The following GALNT2 variants were observed in gnomAD, a reference collection of about 807,000 sequenced individuals.
GALNT2 encodes polypeptide N-acetylgalactosaminyltransferase 2.
A neutral mutation model predicts 81.4 loss-of-function variants in GALNT2; 31 were observed. That is an observed-to-expected ratio of 0.38 (90% CI 0.29 to 0.51). The LOEUF is 0.51. Among genes scored for constraint, GALNT2 ranks in the 20% least tolerant of loss-of-function variants. GALNT2 has a pLI of 0.87. For synonymous variants in GALNT2, 303 were observed against 287.4 expected (o/e 1.05, Z -0.55); for missense variants, 629 against 765.7 (o/e 0.82, Z 2.11).
At chr1:230,191,932 G>A (rs10779838) in intron 2 of GALNT2, among the ~76,000 whole-genome samples, 22,302 of 152,244 alleles carry the variant, frequency 0.15, 2,817 homozygotes, top group East Asian at 0.45. Flanking sequence ...AGCTGTGGCT[G>A]GACATTAGGG....
At chr1:230,137,883 T>TA (rs1250872681) in intron 1 of GALNT2, among the ~76,000 whole-genome samples, 2 of 152,246 alleles carry the variant, frequency 1.3e-5, no homozygotes, top group East Asian at 1.9e-4. Context: ...TTGTTGGAAA[T>TA]AGAGATTTCC....
intron 1 of GALNT2, among the ~76,000 whole-genome samples, chr1:230,104,601 CCTTT>C (rs1220315692): frequency 6.6e-6 from 1 of 152,212 alleles, no homozygotes; most frequent in Admixed American, 6.5e-5. Context: ...CCCTGGCTCT[CCTTT>C]CTTAATAGGC....
At chr1:230,109,544 T>C (rs1405320516) in intron 1 of GALNT2, among the ~76,000 whole-genome samples, 1 of 152,150 alleles carries the variant, frequency 6.6e-6, no homozygotes, top group Non-Finnish European at 1.5e-5. Flanking sequence ...AGGAACACTG[T>C]TGGCTGGGCG....
chr1:230,163,416 C>G (rs558806321), intron 1 of GALNT2, among the ~76,000 whole-genome samples: 85 of 152,250 alleles, frequency 5.6e-4, no homozygotes, highest in Admixed American at 1.7e-3. Context: ...CTCCGGCGAT[C>G]TCTCATGCTT....
intron 1 of GALNT2, among the ~76,000 whole-genome samples, chr1:230,086,813 G>A (rs1659912639): frequency 6.6e-6 from 1 of 152,224 alleles, no homozygotes; most frequent in Non-Finnish European, 1.5e-5. Flanking sequence ...GGACCACTAA[G>A]AGTGCTCTAG....
chr1:230,200,861 A>C (rs558229496), intron 2 of GALNT2, among the ~76,000 whole-genome samples: 41 of 152,270 alleles, frequency 2.7e-4, no homozygotes, highest in African/African-American at 9.6e-4. Context: ...CCATAGTTCA[A>C]AGTTCCGTGG....
chr1:230,194,800 G>A (rs1402321114), intron 2 of GALNT2, among the ~76,000 whole-genome samples: 1 of 152,252 alleles, frequency 6.6e-6, no homozygotes, highest in East Asian at 1.9e-4. Context: ...GCACTGCTTA[G>A]CAGCTTCCGG....
Position 230,257,458 on chromosome 1 carries a change from G to C in GALNT2, c.1136+2114G>C, listed in dbSNP as rs1223990400. Among the ~76,000 whole-genome samples, 1 of 152,172 alleles carries C rather than the reference G, an allele frequency of 6.6e-6. No individual in the cohort carries two copies. Among genetic ancestry groups the C allele is most frequent in the Non-Finnish European group, 1.5e-5 (1 of 68,030 alleles). The stretch of plus-strand genomic sequence containing the variant: ...GTTTACTCTACCTTTTCTTTGTTTA[G>C]ATACACAAATACTTACCATTGTGTT... On this transcript the variant is annotated intron_variant, in intron 11 of 15. Coordinates refer to ENST00000366672, the MANE Select transcript of GALNT2 (RefSeq NM_004481.5). This position sits in a 1 kb window ranked among gnomAD's most constrained non-coding sequence, Gnocchi z 4.6.
In GALNT2 at chr1:230,088,077, C is replaced by T. The variant is rs140831126; in HGVS notation, c.126+20671C>T. 2.7e-3 allele frequency among the ~76,000 whole-genome samples: 404 copies of T among 152,200 alleles called. 5 individuals are homozygous for T. The highest frequency in any genetic ancestry group is 9.1e-3 in the African/African-American group (377 of 41,522). On this transcript the variant is annotated intron_variant, in intron 1 of 15. Coordinates refer to ENST00000366672, the MANE Select transcript of GALNT2 (RefSeq NM_004481.5). ...ATTTTTCCATATTTGCATCTCCCCCCGCCCCCAATGTTTTTGCTTTATTTA... is the reference window on the plus strand; with the variant it reads ...ATTTTTCCATATTTGCATCTCCCCCTGCCCCCAATGTTTTTGCTTTATTTA...
chr1:230,270,574 G>A (rs117665910), intron 14 of GALNT2, among the ~76,000 whole-genome samples: 37 of 152,324 alleles, frequency 2.4e-4, no homozygotes, highest in East Asian at 2.1e-3. Flanking sequence ...TAGACAGTAC[G>A]GCTCAGATAT....
chr1:230,245,189 C>T (rs1254918681), intron 7 of GALNT2, among the ~76,000 whole-genome samples: 1 of 151,646 alleles, frequency 6.6e-6, no homozygotes, highest in African/African-American at 2.4e-5. Context: ...AGGGGCTGGA[C>T]GCAGTGGCTC....
chr1:230,267,387 G>T lies in GALNT2; in HGVS notation c.1440+2020G>T, dbSNP rs78993632. Reference sequence around the variant, plus strand: ...TGCTCACCTCTGTGCTGTCCAGGTGGCTGCGCCTCCTGTTATTCCGGCTGC... The same window carrying T: ...TGCTCACCTCTGTGCTGTCCAGGTGTCTGCGCCTCCTGTTATTCCGGCTGC... On this transcript the variant is annotated intron_variant, in intron 14 of 15. Coordinates refer to ENST00000366672, the MANE Select transcript of GALNT2 (RefSeq NM_004481.5). 2.2e-3 allele frequency among the ~76,000 whole-genome samples: 333 copies of T among 152,326 alleles called. 2 individuals carry two copies. The highest frequency in any genetic ancestry group is 3.6e-3 in the Non-Finnish European group (245 of 68,038).
intron 9 of GALNT2, among the ~76,000 whole-genome samples, chr1:230,249,858 G>C (rs1489818266): frequency 6.6e-6 from 1 of 152,244 alleles, no homozygotes; most frequent in Non-Finnish European, 1.5e-5. Context: ...AACATCTGCA[G>C]TGTGCCATAG....
chr1:230,244,479 AC>A (rs1665303539), intron 7 of GALNT2, among the ~76,000 whole-genome samples: 1 of 75,034 alleles, frequency 1.3e-5, no homozygotes, highest in Admixed American at 1.4e-4. Context: ...ATCCCCACCC[AC>A]CCCAACCCCA....
At chr1:230,094,843 C>T (rs1018728696) in intron 1 of GALNT2, among the ~76,000 whole-genome samples, 5 of 152,236 alleles carry the variant, frequency 3.3e-5, no homozygotes, top group East Asian at 1.9e-4. Flanking sequence ...CCTTCCCACA[C>T]GTCTGCAAAG....
At chr1:230,183,120 G>A (rs942233163) in intron 2 of GALNT2, among the ~76,000 whole-genome samples, 6 of 151,926 alleles carry the variant, frequency 3.9e-5, no homozygotes, top group African/African-American at 7.3e-5. Flanking sequence ...ACTTTTCTTG[G>A]TAAAGGCCAT....
Position 230,128,067 on chromosome 1 carries a change from C to A in GALNT2, c.127-50151C>A, listed in dbSNP as rs546698444. ...TCTTTCCTTCTCTAGAGTTTCTCAT[C>A]ACCAGCTGGGTGGCTGCAGGAAGGG... On this transcript the variant is annotated intron_variant, in intron 1 of 15. Coordinates refer to ENST00000366672, the MANE Select transcript of GALNT2 (RefSeq NM_004481.5). Among the ~76,000 whole-genome samples the A allele has an allele frequency of 3.3e-5, 5 of 152,300 alleles. No individual in the cohort carries two copies. The South Asian group carries it at 1.0e-3, about 32-fold the overall frequency.
At chr1:230,212,512 G>A (rs1664263910) in intron 3 of GALNT2, among the ~76,000 whole-genome samples, 1 of 152,188 alleles carries the variant, frequency 6.6e-6, no homozygotes, top group African/African-American at 2.4e-5. Flanking sequence ...TGCCGTTCAG[G>A]AAGTGAGACT....
chr1:230,231,233 T>C (rs897314805), intron 3 of GALNT2, among the ~76,000 whole-genome samples: 1 of 152,242 alleles, frequency 6.6e-6, no homozygotes, highest in African/African-American at 2.4e-5. Flanking sequence ...TAAAGTGACC[T>C]TGACAGTTTT....
Sources: gnomAD v4.1 joint callset for allele counts (sites outside exome capture counted in the v4.1 genomes callset) on GRCh38, gnomAD v4.1.1 for gene constraint, Gnocchi (gnomAD v3.1) non-coding constraint, MANE v1.5 for transcripts, NCBI Gene and HGNC (gene_info 2026-07-23, HGNC 2026-07-21) for gene names.